Variants in TMEM135 observed in about 807,000 individuals in gnomAD.
TMEM135 encodes transmembrane protein 135.
Under a neutral mutation model 60.3 loss-of-function variants are expected in TMEM135, and 30 were observed. The ratio of observed to expected loss-of-function variants is 0.50; its 90% CI spans 0.37 to 0.68. TMEM135 has a LOEUF of 0.68. Among genes scored for constraint, TMEM135 ranks in the 30% least tolerant of loss-of-function variants. The pLI, the probability that TMEM135 is intolerant of heterozygous loss-of-function variation, is 0.00. For synonymous variants in TMEM135, 190 were observed against 186.7 expected, an observed-to-expected ratio of 1.02 and a Z score of -0.14; for missense variants, 468 against 548.8, an observed-to-expected ratio of 0.85 and a Z score of 1.47.
intron 6 of TMEM135, among the ~76,000 whole-genome samples, chr11:87,288,222 A>G (rs923935144): frequency 2.6e-5 from 4 of 152,224 alleles, no homozygotes; most frequent in African/African-American, 9.6e-5. Context: ...AAATATAGCA[A>G]TAATATTTTA....
Position 87,305,977 on chromosome 11 carries a change from A to G in TMEM135, c.740A>G (p.Glu247Gly). 4 of 1,603,216 alleles carry G rather than the reference A, an allele frequency of 2.5e-6. No individual in the cohort carries two copies. Among genetic ancestry groups the G allele is most frequent in the Non-Finnish European group, 3.4e-6 (4 of 1,173,780 alleles). Residue 247 changes from glutamate (E) to glycine (G), a missense_variant, in exon 9 of 15, where the codon GAA becomes GGA. Transcript: ENST00000305494. The part of the protein sequence containing the change: ...GPRHRCCKHY[E>G]DNCISYCIKG... ...AGGCATAGATGTTGCAAACATTATG[A>G]AGATAATTGCATCTCTTATTGCATT...
chr11:87,046,424 A>G (rs1949797097), intron 1 of TMEM135, among the ~76,000 whole-genome samples: 1 of 152,232 alleles, frequency 6.6e-6, no homozygotes, highest in Admixed American at 6.5e-5. Flanking sequence ...AAACAAACCC[A>G]GTAACTCAGT....
intron 4 of TMEM135, among the ~76,000 whole-genome samples, chr11:87,102,732 AT>A (rs1857491570): frequency 6.9e-6 from 1 of 145,394 alleles, no homozygotes; most frequent in East Asian, 1.9e-4. Context: ...ATATATGTAT[AT>A]ATATATGTAT....
intron 6 of TMEM135, among the ~76,000 whole-genome samples, chr11:87,260,287 G>T (rs543459054): frequency 1.3e-5 from 2 of 152,212 alleles, no homozygotes; most frequent in South Asian, 4.2e-4. Context: ...TGTTGTATTT[G>T]ATAATTCCAA....
chr11:87,045,093 G>T (rs950757897), intron 1 of TMEM135, among the ~76,000 whole-genome samples: 20 of 151,522 alleles, frequency 1.3e-4, no homozygotes, highest in African/African-American at 3.9e-4. Flanking sequence ...GCGGTGGCGC[G>T]ATCTAGGCTT....
At chr11:87,290,781 G>A (rs891737297) in intron 6 of TMEM135, among the ~76,000 whole-genome samples, 1 of 151,944 alleles carries the variant, frequency 6.6e-6, no homozygotes, top group Non-Finnish European at 1.5e-5. Flanking sequence ...TTTTGGCTCA[G>A]TTTTATATCA....
At chr11:87,082,130 A>G (rs1388694471) in intron 3 of TMEM135, among the ~76,000 whole-genome samples, 2 of 152,298 alleles carry the variant, frequency 1.3e-5, no homozygotes, top group South Asian at 2.1e-4. Flanking sequence ...TCACAAGCTT[A>G]GTGACTTTAA....
intron 3 of TMEM135, among the ~76,000 whole-genome samples, chr11:87,072,555 G>GT (rs1055918626): frequency 5.3e-5 from 8 of 151,866 alleles, no homozygotes; most frequent in South Asian, 2.1e-4. Flanking sequence ...TAGTTTTTGT[G>GT]TTTTTTTAGT....
At chr11:87,303,075 A>G (rs969984134) in intron 8 of TMEM135, among the ~76,000 whole-genome samples, 2 of 152,178 alleles carry the variant, frequency 1.3e-5, no homozygotes, top group African/African-American at 4.8e-5. Context: ...TAGGGGATCA[A>G]TTATAGCAAG....
At chr11:87,246,438 G>T (rs962881080) in intron 6 of TMEM135, among the ~76,000 whole-genome samples, 2 of 152,104 alleles carry the variant, frequency 1.3e-5, no homozygotes, top group South Asian at 4.1e-4. Flanking sequence ...ATAATATCCT[G>T]CAGAGTGTTT....
chr11:87,170,291 T>C (rs1232228883), intron 5 of TMEM135, among the ~76,000 whole-genome samples: 1 of 150,934 alleles, frequency 6.6e-6, no homozygotes, highest in East Asian at 2.0e-4. Flanking sequence ...TTTCTGTCAT[T>C]CCTCAAACTT....
At chr11:87,089,127 T>C (rs1453699586) in intron 3 of TMEM135, among the ~76,000 whole-genome samples, 1 of 152,228 alleles carries the variant, frequency 6.6e-6, no homozygotes, top group African/African-American at 2.4e-5. Context: ...CCCCAAGTTA[T>C]TTCATTATGT....
rs1270189206 is a variant in TMEM135, at chr11:87,163,284, G to A, written c.462+5878G>A. 1.1e-4 allele frequency among the ~76,000 whole-genome samples: 15 copies of A among 141,970 alleles called. 1 individual carries two copies. The highest frequency in any genetic ancestry group is 1.6e-4 in the African/African-American group (6 of 37,658). The allele number at this position is 141,970 out of a possible 152,430, so 93.1% of individuals were successfully genotyped here. On this transcript the variant is annotated intron_variant, in intron 5 of 14. Coordinates refer to ENST00000305494, the MANE Select transcript of TMEM135 (RefSeq NM_022918.4). ...TTCCCACCTATGAGTGAGAATATGC[G>A]GTGTTTGGTTTTTTGTTCTTGCGAT...
At chr11:87,214,498 T>C (rs1209759557) in intron 5 of TMEM135, among the ~76,000 whole-genome samples, 1 of 152,202 alleles carries the variant, frequency 6.6e-6, no homozygotes, top group Non-Finnish European at 1.5e-5. Flanking sequence ...GTGGTTTAGA[T>C]TATCAGGTGA....
intron 9 of TMEM135, among the ~76,000 whole-genome samples, chr11:87,306,251 TTATGA>T (rs1244393355): frequency 1.3e-5 from 2 of 152,166 alleles, no homozygotes; most frequent in South Asian, 2.1e-4. Flanking sequence ...TAATTAAAAC[TTATGA>T]TATAGAAGAT....
At chr11:87,181,991 G>A (rs950311940) in intron 5 of TMEM135, among the ~76,000 whole-genome samples, 4 of 150,996 alleles carry the variant, frequency 2.6e-5, no homozygotes, top group East Asian at 1.9e-4. Flanking sequence ...TTCATGGAGT[G>A]TATTTGAAAT....
intron 1 of TMEM135, among the ~76,000 whole-genome samples, chr11:87,041,581 T>A (rs1949750565): frequency 6.6e-6 from 1 of 152,196 alleles, no homozygotes; most frequent in Non-Finnish European, 1.5e-5. Flanking sequence ...GTCCCCTTGC[T>A]TTGCAGAAGA....
chr11:87,072,631 T>C (rs957934712), intron 3 of TMEM135, among the ~76,000 whole-genome samples: 2 of 152,152 alleles, frequency 1.3e-5, no homozygotes, highest in Admixed American at 1.3e-4. Context: ...TCCGCCCGCC[T>C]TGGCCTCCCA....
chr11:87,107,266 A>G (rs147291557), intron 4 of TMEM135, among the ~76,000 whole-genome samples: 3,120 of 152,176 alleles, frequency 0.021, 36 homozygotes, highest in Admixed American at 0.04. Flanking sequence ...ATAATTATTC[A>G]TAGTTTTTTT....
Sources: allele counts gnomAD v4.1 joint callset (sites outside exome capture counted in the v4.1 genomes callset), GRCh38; gene constraint gnomAD v4.1.1; transcripts MANE v1.5; gene names NCBI Gene and HGNC (gene_info 2026-07-23, HGNC 2026-07-21).